Variants in RNF170 observed in about 807,000 individuals in gnomAD.
The protein encoded by RNF170 is E3 ubiquitin-protein ligase RNF170.
RNF170 carries 12 observed loss-of-function variants against 32.7 expected under a neutral mutation model. That is an observed-to-expected ratio of 0.37 (90% CI 0.24 to 0.60). The LOEUF (loss-of-function observed/expected upper bound fraction) is 0.60, where lower values mean the gene tolerates loss of function less well. Among genes scored for constraint, RNF170 ranks in the 20% least tolerant of loss-of-function variants. The probability of loss-of-function intolerance (pLI) is 0.72; values close to 1 mark genes in which losing one functional copy is unlikely to be tolerated. For missense variants in RNF170, 212 were observed against 311.2 expected, an observed-to-expected ratio of 0.68 and a Z score of 2.40; for synonymous variants, 91 against 103.6, an observed-to-expected ratio of 0.88 and a Z score of 0.74.
At position 42,855,042 on chromosome 8, in the gene RNF170, CAA is replaced by C; in HGVS notation, c.*1115_*1116del. 1 of 1,287,162 alleles carries C rather than the reference CAA, an allele frequency of 7.8e-7. No individual in the cohort carries two copies. Among genetic ancestry groups the C allele is most frequent in the Non-Finnish European group, 1.0e-6 (1 of 988,698 alleles). 79.7% of individuals were successfully genotyped at this position (1,287,162 alleles called of 1,614,324 possible). ...AGTACCTTCCTATTGGCTTGATGCT[CAA>C]AGACACGAAGATTCACCTTCCTCAG... On this transcript the variant is annotated 3_prime_UTR_variant, in exon 7 of 7. Transcript: ENST00000527424.
intron 5 of RNF170, 44 bp from the exon 6 acceptor site, chr8:42,861,899 T>C (rs1803692384): frequency 1.3e-6 from 2 of 1,533,322 alleles, no homozygotes; most frequent in Non-Finnish European, 1.8e-6. Flanking sequence ...TTCTGCATCA[T>C]TATGTTTTTT....
At chr8:42,850,580 G>A, downstream of RNF170, 1 of 621,328 alleles carries the variant, frequency 1.6e-6, no homozygotes, top group Non-Finnish European at 2.8e-6. Context: ...TGAATATCTG[G>A]GTGGACAAAA....
At chr8:42,871,294 C>A (rs936739163) in intron 3 of RNF170, among the ~76,000 whole-genome samples, 1 of 151,968 alleles carries the variant, frequency 6.6e-6, no homozygotes, top group Non-Finnish European at 1.5e-5. Flanking sequence ...GAACCCAGCA[C>A]AGATAAAGTT....
Position 42,856,023 on chromosome 8 carries a change from A to C in RNF170, c.*136T>G. 6.4e-7 allele frequency: 1 copy of C among 1,552,786 alleles called. No homozygotes were observed. Among genetic ancestry groups the C allele is most frequent in the Non-Finnish European group, 8.7e-7 (1 of 1,149,754 alleles). ...CTAGGTATTTGTCAAATGATAATCA[A>C]ATGTTTGTCTTATAGTGGTTTTATA... On this transcript the variant is annotated 3_prime_UTR_variant, in exon 7 of 7. Transcript: ENST00000527424.
chr8:42,879,425 G>A (rs901838302), intron 2 of RNF170, among the ~76,000 whole-genome samples: 1 of 152,048 alleles, frequency 6.6e-6, no homozygotes, highest in Non-Finnish European at 1.5e-5. Flanking sequence ...GGCTGAGATG[G>A]GCAGATCATG....
chr8:42,883,968 T>C (rs1259272308), intron 2 of RNF170, among the ~76,000 whole-genome samples: 1 of 152,206 alleles, frequency 6.6e-6, no homozygotes, highest in African/African-American at 2.4e-5. Flanking sequence ...GCACATTATG[T>C]AACTTGAAAA....
At chr8:42,850,993 G>A, downstream of RNF170, 1 of 1,551,412 alleles carries the variant, frequency 6.4e-7, no homozygotes, top group Non-Finnish European at 8.7e-7. Flanking sequence ...CTTCTCTGAT[G>A]AACCCTACAC....
intron 3 of RNF170, among the ~76,000 whole-genome samples, chr8:42,871,930 T>C (rs577440971): frequency 6.6e-6 from 1 of 152,366 alleles, no homozygotes; most frequent in African/African-American, 2.4e-5. Context: ...CTTTCTGCAA[T>C]AATTGAAATC....
intron 2 of RNF170, among the ~76,000 whole-genome samples, chr8:42,879,324 T>A (rs1224559986): frequency 3.3e-5 from 5 of 152,186 alleles, no homozygotes; most frequent in African/African-American, 1.2e-4. Flanking sequence ...TGAAACCTTC[T>A]GGAAAGGATC....
At chr8:42,850,483 C>T (rs565247445), downstream of RNF170, 10 of 386,796 alleles carry the variant, frequency 2.6e-5, no homozygotes, top group South Asian at 9.6e-5. Flanking sequence ...TCCTTGTCTT[C>T]TGCCCTTTCC....
intron 2 of RNF170, among the ~76,000 whole-genome samples, chr8:42,882,665 G>A (rs969721399): frequency 3.9e-5 from 6 of 152,108 alleles, no homozygotes; most frequent in African/African-American, 1.4e-4. Flanking sequence ...GCATAAAATC[G>A]GCTCATTAAT....
downstream of RNF170, chr8:42,850,705 G>A (rs1277995771): frequency 1.3e-6 from 2 of 1,504,144 alleles, no homozygotes; most frequent in Non-Finnish European, 1.8e-6. Flanking sequence ...GAGTGCCCTG[G>A]GGTAAGGGGA....
chr8:42,893,307 G>GT (rs1251772849), intron 1 of RNF170, among the ~76,000 whole-genome samples: 3 of 152,194 alleles, frequency 2.0e-5, no homozygotes, highest in African/African-American at 4.8e-5. Context: ...GTTTTGAACT[G>GT]TTTAAGATTC....
chr8:42,896,987 G>C (rs1806988495), upstream of RNF170: 4 of 496,116 alleles, frequency 8.1e-6, no homozygotes, highest in Non-Finnish European at 1.3e-5. Context: ...CGGAGCCGCT[G>C]CCAGCGCTGG....
intron 4 of RNF170, 44 bp downstream of exon 4, chr8:42,869,960 G>C (rs769725015): frequency 7.3e-7 from 1 of 1,363,620 alleles, no homozygotes; most frequent in Non-Finnish European, 1.0e-6. Context: ...TAGAGGTCTT[G>C]GTCTACACAG....
intron 1 of RNF170, 30 bp from the exon 2 acceptor site, chr8:42,887,901 A>C: frequency 6.3e-7 from 1 of 1,587,890 alleles, no homozygotes. Context: ...GATGAGAGTT[A>C]CAAATGACAC....
In RNF170 at chr8:42,887,877, A is replaced by G. The variant is rs774707603; in HGVS notation, c.-7-6T>C. 1.9e-6 allele frequency: 3 copies of G among 1,611,838 alleles called. No individual in the cohort carries two copies. The East Asian group carries it at 6.7e-5, about 36-fold the overall frequency. On this transcript the variant is annotated splice_polypyrimidine_tract_variant and splice_region_variant and intron_variant, in intron 1 of 6. Transcript: ENST00000527424. ...GATATTTGGCCATTCCAGGTCTAAA[A>G]TAAGAAGAAACAAGATGAGAGTTAC...
At chr8:42,856,476 G>A in intron 6 of RNF170, 48 bp from the exon 7 acceptor site, 2 of 1,315,838 alleles carry the variant, frequency 1.5e-6, no homozygotes, top group Non-Finnish European at 2.2e-6. Flanking sequence ...TAATGTGTCA[G>A]ATTTCAAAAT....
At chr8:42,866,765 C>T (rs192355051) in intron 4 of RNF170, among the ~76,000 whole-genome samples, 1 of 152,244 alleles carries the variant, frequency 6.6e-6, no homozygotes, top group Admixed American at 6.5e-5. Flanking sequence ...GGCAACACAG[C>T]CTAAAGGAAG....
Sources: gnomAD v4.1 joint callset for allele counts (sites outside exome capture counted in the v4.1 genomes callset) on GRCh38, gnomAD v4.1.1 for gene constraint, MANE v1.5 for transcripts, NCBI Gene and HGNC (gene_info 2026-07-23, HGNC 2026-07-21) for gene names.